The following NAV3 variants were observed in gnomAD, a reference collection of about 807,000 sequenced individuals.
NAV3 encodes pore membrane and/or filament interacting like protein 1.
Under a neutral mutation model 244.7 loss-of-function variants are expected in NAV3, and 87 were observed. That is an observed-to-expected ratio of 0.36 (90% CI 0.30 to 0.42). NAV3 has a LOEUF of 0.42. NAV3 is among the 20% of genes least tolerant of loss of function. NAV3 has a pLI of 1.00. For synonymous variants in NAV3, 1,126 were observed against 1,042.2 expected (o/e 1.08, Z -1.55); for missense variants, 2,663 against 2,893.3 (o/e 0.92, Z 1.83).
intron 36 of NAV3, 32 bp from the exon 37 acceptor site, chr12:78,199,303 A>G (rs2140008725): frequency 2.8e-6 from 4 of 1,449,298 alleles, no homozygotes; most frequent in Non-Finnish European, 3.8e-6. Flanking sequence ...TTTAATTTAT[A>G]TAAAAATGTC....
At chr12:78,070,407 T>G (rs989633049) in intron 12 of NAV3, among the ~76,000 whole-genome samples, 1 of 151,934 alleles carries the variant, frequency 6.6e-6, no homozygotes, top group Non-Finnish European at 1.5e-5. Flanking sequence ...GTGAAGTTTT[T>G]TTTTTTTTTT....
chr12:78,104,105 G>T (rs7307012), intron 12 of NAV3, among the ~76,000 whole-genome samples: 24,800 of 152,046 alleles, frequency 0.16, 2,192 homozygotes, highest in South Asian at 0.31. Flanking sequence ...ATGTTTCTTC[G>T]ATTAATGGAA....
intron 1 of NAV3, among the ~76,000 whole-genome samples, chr12:77,907,210 A>T (rs111772305): frequency 2.0e-5 from 3 of 152,168 alleles, no homozygotes; most frequent in African/African-American, 4.8e-5. Context: ...GGCGAAAGCC[A>T]TGTGTGAAGG....
rs115646756 is a variant in NAV3, at chr12:78,064,952, T to G, written c.2636+5837T>G. Among the ~76,000 whole-genome samples, 1,201 of 152,188 alleles carry G rather than the reference T, an allele frequency of 7.9e-3. 10 individuals are homozygous for G. Among genetic ancestry groups the G allele is most frequent in the African/African-American group, 0.027 (1,135 of 41,532 alleles). ...AAGAGTCTGGACTCTTATGAGAAGT[T>G]TCCCAATTTTTAAGTATTAGAACTC... On this transcript the variant is annotated intron_variant, in intron 12 of 39. Coordinates refer to ENST00000397909, the MANE Select transcript of NAV3 (RefSeq NM_001024383.2).
intron 2 of NAV3, among the ~76,000 whole-genome samples, chr12:77,737,784 T>G (rs1877397140): frequency 6.6e-6 from 1 of 152,202 alleles, no homozygotes; most frequent in Non-Finnish European, 1.5e-5. Flanking sequence ...ATGTAAGAAT[T>G]CAACAGCCAC....
At chr12:78,210,333 G>GT in intron 39 of NAV3, 65 bp from the exon 40 acceptor site, 4 of 1,605,084 alleles carry the variant, frequency 2.5e-6, no homozygotes, top group Non-Finnish European at 2.6e-6. Context: ...TCAGGGCCTT[G>GT]TTTTTTATGG....
At chr12:77,908,172 A>G (rs1886198029) in intron 1 of NAV3, among the ~76,000 whole-genome samples, 1 of 152,144 alleles carries the variant, frequency 6.6e-6, no homozygotes, top group African/African-American at 2.4e-5. Context: ...ATTTGTCAGC[A>G]TGATGTTCCA....
At chr12:77,622,507 T>C (rs1316059483) in intron 2 of NAV3, among the ~76,000 whole-genome samples, 6 of 150,230 alleles carry the variant, frequency 4.0e-5, no homozygotes, top group African/African-American at 1.5e-4. Flanking sequence ...AGGTCCCTAG[T>C]GCTCTGCAGC....
intron 5 of NAV3, among the ~76,000 whole-genome samples, chr12:77,982,024 A>G (rs1054984570): frequency 3.3e-5 from 5 of 152,192 alleles, no homozygotes; most frequent in African/African-American, 1.2e-4. Flanking sequence ...CTTAATATAG[A>G]TGAAGAGTTA....
chr12:77,691,327 G>T (rs1199625850), intron 2 of NAV3, among the ~76,000 whole-genome samples: 1 of 10,078 alleles, frequency 9.9e-5, no homozygotes, highest in Non-Finnish European at 2.6e-4. Context: ...ATAAGTATTT[G>T]TGTATGTGTG....
At chr12:77,802,866 A>C (rs1435906441) in intron 2 of NAV3, among the ~76,000 whole-genome samples, 1 of 151,976 alleles carries the variant, frequency 6.6e-6, no homozygotes, top group Non-Finnish European at 1.5e-5. Context: ...ATGGGGTTTC[A>C]CCATGTTAGC....
At chr12:78,141,510 A>G (rs1956613062) in intron 20 of NAV3, among the ~76,000 whole-genome samples, 1 of 152,286 alleles carries the variant, frequency 6.6e-6, no homozygotes, top group African/African-American at 2.4e-5. Flanking sequence ...CATCATGGGC[A>G]GTATTTTTTT....
chr12:77,808,098 G>A (rs1872079508), intron 2 of NAV3, among the ~76,000 whole-genome samples: 1 of 152,064 alleles, frequency 6.6e-6, no homozygotes, highest in Admixed American at 6.5e-5. Flanking sequence ...AAGGTTCTTA[G>A]CTTCCTTGCA....
intron 2 of NAV3, among the ~76,000 whole-genome samples, chr12:77,821,691 T>C (rs1472556998): frequency 6.6e-6 from 1 of 152,180 alleles, no homozygotes; most frequent in Admixed American, 6.6e-5. Flanking sequence ...ATAAGAAAAT[T>C]GGAAAGGAAG....
At chr12:77,873,066 G>C (rs1473831189) in intron 1 of NAV3, among the ~76,000 whole-genome samples, 1 of 152,038 alleles carries the variant, frequency 6.6e-6, no homozygotes, top group East Asian at 1.9e-4. Flanking sequence ...GTTTTATAAA[G>C]GGCATTTCCC....
At chr12:78,135,645 T>G (rs1314860654) in intron 18 of NAV3, among the ~76,000 whole-genome samples, 2 of 152,186 alleles carry the variant, frequency 1.3e-5, no homozygotes, top group Non-Finnish European at 2.9e-5. Flanking sequence ...GAACCAAGAA[T>G]AGGGTGACTT....
At chr12:77,778,422 C>A (rs1444047883) in intron 2 of NAV3, among the ~76,000 whole-genome samples, 5 of 151,490 alleles carry the variant, frequency 3.3e-5, no homozygotes, top group Admixed American at 6.6e-5. Context: ...ACAATCCTGG[C>A]TAACACGGTG....
At chr12:78,004,774 C>T (rs1480284219) in intron 7 of NAV3, among the ~76,000 whole-genome samples, 1 of 152,100 alleles carries the variant, frequency 6.6e-6, no homozygotes, top group East Asian at 1.9e-4. Flanking sequence ...CATCTCATTG[C>T]CTCTGTATAG....
At chr12:78,187,150 A>G (rs573126493) in intron 31 of NAV3, among the ~76,000 whole-genome samples, 3 of 152,012 alleles carry the variant, frequency 2.0e-5, no homozygotes, top group South Asian at 2.1e-4. Flanking sequence ...GGATTTCTCA[A>G]CTTATTCTGC....
Sources: allele counts gnomAD v4.1 joint callset (sites outside exome capture counted in the v4.1 genomes callset), GRCh38; gene constraint gnomAD v4.1.1; transcripts MANE v1.5; gene names NCBI Gene and HGNC (gene_info 2026-07-23, HGNC 2026-07-21).